GDAP1: variants seen among roughly 807,000 people sequenced by gnomAD.
The protein encoded by GDAP1 is ganglioside induced differentiation associated protein 1.
Under a neutral mutation model 40.1 loss-of-function variants are expected in GDAP1, and 34 were observed. The ratio of observed to expected loss-of-function variants is 0.85; its 90% CI spans 0.64 to 1.13. The LOEUF is 1.13. Ranked by LOEUF, GDAP1 falls within the 50% of genes most tolerant of loss-of-function variation. The probability of loss-of-function intolerance (pLI) is 0.00; values close to 1 mark genes in which losing one functional copy is unlikely to be tolerated. For missense variants in GDAP1, 374 were observed against 433.7 expected, an observed-to-expected ratio of 0.86 and a Z score of 1.22; for synonymous variants, 170 against 157.4, an observed-to-expected ratio of 1.08 and a Z score of -0.60.
chr8:74,465,432 C>T (rs1213208964), intron 2 of GDAP1, among the ~76,000 whole-genome samples: 2 of 152,028 alleles, frequency 1.3e-5, no homozygotes, highest in Non-Finnish European at 2.9e-5. Context: ...CTGCTGGTCT[C>T]CCTTCCCTTC....
At chr8:74,356,423 C>T (rs557942274) in intron 2 of GDAP1, among the ~76,000 whole-genome samples, 387 of 152,126 alleles carry the variant, frequency 2.5e-3, no homozygotes, top group African/African-American at 8.8e-3. Context: ...AGTAGTTAAA[C>T]ATTTAATGTA....
intron 2 of GDAP1, among the ~76,000 whole-genome samples, chr8:74,357,659 A>G (rs775442701): frequency 4.6e-5 from 7 of 152,044 alleles, no homozygotes; most frequent in Non-Finnish European, 1.0e-4. Context: ...GTGCCAACTT[A>G]TTTGTTCTTC....
intron 2 of GDAP1, among the ~76,000 whole-genome samples, chr8:74,428,661 T>TTTTTATTA (rs1805985441): frequency 6.9e-6 from 1 of 143,986 alleles, no homozygotes; most frequent in Non-Finnish European, 1.5e-5. Flanking sequence ...TTTTTTTTTT[T>TTTTTATTA]AGTAGAGACA....
intron 2 of GDAP1, among the ~76,000 whole-genome samples, chr8:74,416,724 G>A (rs555397807): frequency 6.7e-6 from 1 of 149,790 alleles, no homozygotes; most frequent in South Asian, 2.1e-4. Flanking sequence ...CCAGCCTGGA[G>A]TGTGGCAGTC....
chr8:74,420,789 C>G (rs2131558774), intron 2 of GDAP1, among the ~76,000 whole-genome samples: 1 of 150,632 alleles, frequency 6.6e-6, no homozygotes, highest in South Asian at 2.2e-4. Context: ...GTAAATTACA[C>G]TGTGGTATAC....
chr8:74,420,136 G>A (rs1028103590), intron 2 of GDAP1, among the ~76,000 whole-genome samples: 10 of 152,084 alleles, frequency 6.6e-5, no homozygotes, highest in Admixed American at 2.0e-4. Flanking sequence ...GGCTGTTTGG[G>A]ATCCCATGCA....
At chr8:74,363,796 G>C (rs1246767144) in intron 5 of GDAP1, among the ~76,000 whole-genome samples, 189 bp from the exon 6 acceptor site, 4 of 152,098 alleles carry the variant, frequency 2.6e-5, no homozygotes, top group African/African-American at 9.7e-5. Flanking sequence ...CCTAGGATAC[G>C]TTTGCATGGA....
downstream of GDAP1, among the ~76,000 whole-genome samples, chr8:74,368,439 G>C (rs914352345): frequency 6.6e-6 from 1 of 152,126 alleles, no homozygotes; most frequent in Non-Finnish European, 1.5e-5. Context: ...AGAAAATGAA[G>C]GTTTGCATTA....
At chr8:74,487,403 G>C (rs1713716870) in intron 2 of GDAP1, among the ~76,000 whole-genome samples, 1 of 152,120 alleles carries the variant, frequency 6.6e-6, no homozygotes, top group Admixed American at 6.6e-5. Context: ...ATAGAGGAGG[G>C]ATATACTGCC....
Position 74,351,516 on chromosome 8 carries a change from A to G in GDAP1, c.310+50A>G, listed in dbSNP as rs571428435. On this transcript the variant is annotated intron_variant, in intron 2 of 5. Coordinates refer to ENST00000220822, the MANE Select transcript of GDAP1 (RefSeq NM_018972.4). ...TCTTGGATTTACTTTCAACACAACT[A>G]TGTGTTCCCTTTCTCTTTTTCTCTC... The G allele has an allele frequency of 1.4e-5, 17 of 1,221,740 alleles. No homozygotes were observed. The East Asian group carries it at 2.8e-4, about 20-fold the overall frequency. The allele number at this position is 1,221,740 out of a possible 1,614,324, so 75.7% of individuals were successfully genotyped here.
At chr8:74,459,896 A>G (rs915863474) in intron 2 of GDAP1, among the ~76,000 whole-genome samples, 18 of 152,218 alleles carry the variant, frequency 1.2e-4, no homozygotes, top group African/African-American at 4.1e-4. Flanking sequence ...ATATTCAGCA[A>G]CATAATTCTG....
chr8:74,428,633 ATTTTTT>A (rs1195348725), intron 2 of GDAP1, among the ~76,000 whole-genome samples: 5 of 42,846 alleles, frequency 1.2e-4, no homozygotes, highest in Non-Finnish European at 1.1e-4. Context: ...CACCCGGCTA[ATTTTTT>A]TTTTTTTTTT....
At chr8:74,479,091 T>C (rs1409801399) in intron 2 of GDAP1, among the ~76,000 whole-genome samples, 2 of 152,314 alleles carry the variant, frequency 1.3e-5, no homozygotes, top group Non-Finnish European at 2.9e-5. Flanking sequence ...TAGTCAGCCA[T>C]CTTGGTGACA....
At chr8:74,378,173 T>C (rs1357230960) in intron 2 of GDAP1, among the ~76,000 whole-genome samples, 1 of 152,188 alleles carries the variant, frequency 6.6e-6, no homozygotes, top group African/African-American at 2.4e-5. Context: ...AAAACTGTGC[T>C]GGTCGGTGAG....
rs536204805 is a variant in GDAP1, at chr8:74,397,549, G to A, written c.165+46228G>A. On this transcript the variant is annotated intron_variant, in intron 2 of 2. Transcript: ENST00000523640. ...AATTTTTGTATAAGGTGAAGGAAGG[G>A]ATCCAGTTTCAGCTTTCTACATATG... Among the ~76,000 whole-genome samples, 570 of 152,210 alleles carry A rather than the reference G, an allele frequency of 3.7e-3. 3 individuals carry two copies. Among genetic ancestry groups the A allele is most frequent in the African/African-American group, 0.013 (534 of 41,516 alleles).
At chr8:74,363,772 C>A (rs1449480475) in intron 5 of GDAP1, among the ~76,000 whole-genome samples, 1 of 152,182 alleles carries the variant, frequency 6.6e-6, no homozygotes, top group Non-Finnish European at 1.5e-5. Flanking sequence ...AGACGTCAAG[C>A]AAGTCTCCTT....
intron 2 of GDAP1, among the ~76,000 whole-genome samples, chr8:74,468,699 T>A (rs1177675995): frequency 1.2e-4 from 18 of 152,210 alleles, no homozygotes; most frequent in Admixed American, 1.2e-3. Flanking sequence ...AATAGTTTTC[T>A]AGTTGATGCT....
rs997646411 is a variant in GDAP1, at chr8:74,360,387, T to C, written c.484+77T>C. The C allele has an allele frequency of 1.4e-5, 17 of 1,211,930 alleles. No individual in the cohort carries two copies. The East Asian group carries it at 3.0e-4, about 22-fold the overall frequency. 75.1% of individuals were successfully genotyped at this position (1,211,930 alleles called of 1,614,324 possible). ...TCATTTTGAGACCTAGCATGTCTCA[T>C]GGTCACTAAAAGAAGATTGGGAATA... On this transcript the variant is annotated intron_variant, in intron 3 of 5. Coordinates refer to ENST00000220822, the MANE Select transcript of GDAP1 (RefSeq NM_018972.4).
At chr8:74,447,367 T>G (rs967265137) in intron 2 of GDAP1, among the ~76,000 whole-genome samples, 2 of 152,168 alleles carry the variant, frequency 1.3e-5, no homozygotes, top group African/African-American at 4.8e-5. Context: ...CATTTTTCCA[T>G]TTTTTCTACT....
Sources: allele counts gnomAD v4.1 joint callset (sites outside exome capture counted in the v4.1 genomes callset), GRCh38; gene constraint gnomAD v4.1.1; transcripts MANE v1.5; gene names NCBI Gene and HGNC (gene_info 2026-07-23, HGNC 2026-07-21).